The following VTI1A variants were observed in gnomAD, a reference collection of about 807,000 sequenced individuals.
VTI1A encodes the protein vesicle transport through interaction with t-SNAREs 1A.
VTI1A carries 22 observed loss-of-function variants against 34.9 expected under a neutral mutation model. The observed-to-expected ratio is 0.63, with a 90% CI of 0.45 to 0.90. The LOEUF (loss-of-function observed/expected upper bound fraction) is 0.90, where lower values mean the gene tolerates loss of function less well. Among genes scored for constraint, VTI1A ranks in the 40% least tolerant of loss-of-function variants. The pLI is 0.00. For synonymous variants in VTI1A, 87 were observed against 97.3 expected (o/e 0.89, Z 0.62); for missense variants, 268 against 275.6 (o/e 0.97, Z 0.20).
At chr10:112,515,932 C>A (rs1461271316) in intron 3 of VTI1A, among the ~76,000 whole-genome samples, 1 of 152,036 alleles carries the variant, frequency 6.6e-6, no homozygotes, top group Non-Finnish European at 1.5e-5. Context: ...TGAAATGCAG[C>A]AATTTGTTCC....
chr10:112,568,289 C>A (rs1202847770), intron 5 of VTI1A, among the ~76,000 whole-genome samples: 1 of 152,190 alleles, frequency 6.6e-6, no homozygotes, highest in East Asian at 1.9e-4. Flanking sequence ...GGCAGATCAT[C>A]TGAGGTCAGG....
At chr10:112,770,722 A>G (rs1301201449) in intron 7 of VTI1A, among the ~76,000 whole-genome samples, 3 of 152,044 alleles carry the variant, frequency 2.0e-5, no homozygotes, top group Non-Finnish European at 4.4e-5. Context: ...GTTTTCTTAA[A>G]AAGAAAATTA....
chr10:112,667,133 T>C (rs2133832743), intron 5 of VTI1A, among the ~76,000 whole-genome samples: 1 of 152,276 alleles, frequency 6.6e-6, no homozygotes, highest in East Asian at 1.9e-4. Flanking sequence ...CATGGTGACT[T>C]CTTACTAACA....
At chr10:112,789,236 A>AC (rs35425625) in intron 7 of VTI1A, among the ~76,000 whole-genome samples, 71,295 of 151,974 alleles carry the variant, frequency 0.47, 17,533 homozygotes, top group East Asian at 0.69. Flanking sequence ...TACTAAAAAA[A>AC]ATTCTCTTAT....
intron 3 of VTI1A, among the ~76,000 whole-genome samples, chr10:112,483,271 A>G (rs1301632031): frequency 6.6e-6 from 1 of 152,144 alleles, no homozygotes; most frequent in Non-Finnish European, 1.5e-5. Context: ...CAGTTCTCCA[A>G]TTAAAAAAAA....
At chr10:112,695,229 A>G (rs537509478) in intron 7 of VTI1A, among the ~76,000 whole-genome samples, 59 of 152,268 alleles carry the variant, frequency 3.9e-4, no homozygotes, top group Non-Finnish European at 6.5e-4. Flanking sequence ...AAGCATTTGC[A>G]TTTAATTACT....
intron 1 of VTI1A, among the ~76,000 whole-genome samples, chr10:112,458,460 A>G (rs926753826): frequency 1.3e-5 from 2 of 152,138 alleles, no homozygotes; most frequent in South Asian, 2.1e-4. Flanking sequence ...CAAGGAGGGA[A>G]AATCAAGTTG....
intron 5 of VTI1A, among the ~76,000 whole-genome samples, chr10:112,627,694 A>G (rs1199920786): frequency 4.6e-5 from 7 of 152,170 alleles, no homozygotes; most frequent in Admixed American, 6.5e-5. Flanking sequence ...GAGATTATTT[A>G]TTCAACAAAT....
intron 7 of VTI1A, among the ~76,000 whole-genome samples, chr10:112,701,136 A>G (rs1043033500): frequency 6.6e-6 from 1 of 152,248 alleles, no homozygotes; most frequent in African/African-American, 2.4e-5. Flanking sequence ...GGCATTTTTC[A>G]TAATTGTATG....
chr10:112,712,474 T>TCTCACACACACA (rs149858856), intron 7 of VTI1A, among the ~76,000 whole-genome samples: 5 of 143,406 alleles, frequency 3.5e-5, no homozygotes, highest in African/African-American at 1.3e-4. Context: ...TCAACTATTA[T>TCTCACACACACA]CACACACACA....
At chr10:112,766,448 A>G (rs947163505) in intron 7 of VTI1A, among the ~76,000 whole-genome samples, 1 of 152,322 alleles carries the variant, frequency 6.6e-6, no homozygotes, top group Admixed American at 6.5e-5. Context: ...GTTAGAAAGA[A>G]GCTGTTTCTG....
intron 7 of VTI1A, chr10:112,677,583 A>G (rs1848075626): frequency 6.6e-6 from 1 of 152,302 alleles, no homozygotes; most frequent in Non-Finnish European, 1.5e-5. Flanking sequence ...AAGCCAGGGA[A>G]CCATGGTGGT....
At chr10:112,838,219 A>T in the VTI1A span, among the ~76,000 whole-genome samples, 1 of 152,182 alleles carries the variant, frequency 6.6e-6, no homozygotes, top group African/African-American at 2.4e-5. Context: ...TCTGCTCCCA[A>T]GACAGCCCCA....
At chr10:112,762,359 T>G (rs919676171) in intron 7 of VTI1A, among the ~76,000 whole-genome samples, 3 of 152,062 alleles carry the variant, frequency 2.0e-5, no homozygotes, top group Non-Finnish European at 4.4e-5. Flanking sequence ...CTTTTTTTTT[T>G]CTCCTGAATG....
chr10:112,758,786 C>G (rs1165153159), intron 7 of VTI1A, among the ~76,000 whole-genome samples: 4 of 152,222 alleles, frequency 2.6e-5, no homozygotes, highest in African/African-American at 9.6e-5. Context: ...ATGGCCCAGC[C>G]CATGCCCCAT....
intron 3 of VTI1A, among the ~76,000 whole-genome samples, chr10:112,518,501 G>A (rs900897063): frequency 6.7e-6 from 1 of 149,316 alleles, no homozygotes; most frequent in Non-Finnish European, 1.5e-5. Context: ...TTAAGCCCAA[G>A]GAGTTCAAGG....
intron 1 of VTI1A, among the ~76,000 whole-genome samples, chr10:112,456,363 C>T (rs1306204235): frequency 2.0e-5 from 3 of 148,332 alleles, no homozygotes; most frequent in Non-Finnish European, 3.0e-5. Context: ...TGGAGGTTGC[C>T]GTGAGCCAAG....
chr10:112,848,613 G>A, the VTI1A span, among the ~76,000 whole-genome samples: 1 of 152,156 alleles, frequency 6.6e-6, no homozygotes, highest in African/African-American at 2.4e-5. Context: ...TGTGGATAAG[G>A]TCTCCTGGCC....
intron 7 of VTI1A, among the ~76,000 whole-genome samples, chr10:112,686,252 T>C (rs1848407888): frequency 6.6e-6 from 1 of 152,184 alleles, no homozygotes; most frequent in Non-Finnish European, 1.5e-5. Context: ...TCAGCACAGT[T>C]CATTTTTTGT....
Sources: gnomAD v4.1 joint callset for allele counts (sites outside exome capture counted in the v4.1 genomes callset) on GRCh38, gnomAD v4.1.1 for gene constraint, MANE v1.5 for transcripts, NCBI Gene and HGNC (gene_info 2026-07-23, HGNC 2026-07-21) for gene names.